LDLRAD3: variants seen among roughly 807,000 people sequenced by gnomAD.
LDLRAD3 encodes low-density lipoprotein receptor class A domain-containing protein 3.
Under a neutral mutation model 29.4 loss-of-function variants are expected in LDLRAD3, and 20 were observed. That is an observed-to-expected ratio of 0.68 (90% CI 0.48 to 0.99). LDLRAD3 has a LOEUF of 0.99. Ranked by LOEUF, LDLRAD3 falls within the 50% of genes least tolerant of loss-of-function variation. The pLI is 0.00. For missense variants in LDLRAD3, 420 were observed against 454.3 expected, an observed-to-expected ratio of 0.92 and a Z score of 0.69; for synonymous variants, 157 against 192.7, an observed-to-expected ratio of 0.81 and a Z score of 1.53.
At chr11:36,062,575 T>C (rs1852717767) in intron 2 of LDLRAD3, among the ~76,000 whole-genome samples, 1 of 152,124 alleles carries the variant, frequency 6.6e-6, no homozygotes, top group African/African-American at 2.4e-5. Context: ...TCATCTTGAA[T>C]TGTAGTTCCC....
chr11:36,115,882 A>G (rs1355784224), intron 4 of LDLRAD3, among the ~76,000 whole-genome samples: 6 of 152,216 alleles, frequency 3.9e-5, no homozygotes, highest in African/African-American at 1.4e-4. Flanking sequence ...TGCTTTGGGT[A>G]TAAATCTCAG....
At chr11:36,100,476 G>A (rs1853430092) in intron 4 of LDLRAD3, among the ~76,000 whole-genome samples, 1 of 152,212 alleles carries the variant, frequency 6.6e-6, no homozygotes, top group Admixed American at 6.5e-5. Flanking sequence ...GTCTTGCTCT[G>A]TCACCCAGGC....
chr11:36,119,285 G>A (rs373690101), intron 4 of LDLRAD3, among the ~76,000 whole-genome samples: 5 of 152,152 alleles, frequency 3.3e-5, no homozygotes, highest in African/African-American at 9.7e-5. Context: ...TTGTGTGCAA[G>A]TTTCTGTGTG....
At chr11:36,058,327 G>GCT (rs1852651279) in intron 2 of LDLRAD3, among the ~76,000 whole-genome samples, 1 of 152,156 alleles carries the variant, frequency 6.6e-6, no homozygotes, top group Admixed American at 6.5e-5. Flanking sequence ...AAAGAGCCAC[G>GCT]TCTTCCTTCA....
intron 2 of LDLRAD3, among the ~76,000 whole-genome samples, chr11:36,068,358 C>A (rs1037148345): frequency 1.3e-5 from 2 of 152,176 alleles, no homozygotes; most frequent in African/African-American, 4.8e-5. Context: ...TTGCTGTATT[C>A]TCTACATGCA....
intron 4 of LDLRAD3, among the ~76,000 whole-genome samples, chr11:36,140,073 A>T (rs1854059603): frequency 6.6e-6 from 1 of 152,244 alleles, no homozygotes; most frequent in African/African-American, 2.4e-5. Context: ...CCATGAAAAG[A>T]ACAGTCAGCA....
intron 1 of LDLRAD3, among the ~76,000 whole-genome samples, chr11:36,030,349 C>T (rs543610309): frequency 6.6e-6 from 1 of 152,126 alleles, no homozygotes; most frequent in East Asian, 1.9e-4. Context: ...AACCTAGAGT[C>T]GAGGAGGTCT....
intron 1 of LDLRAD3, among the ~76,000 whole-genome samples, chr11:35,992,090 G>A (rs190355728): frequency 3.0e-4 from 45 of 152,192 alleles, no homozygotes; most frequent in Middle Eastern, 3.4e-3. Flanking sequence ...AAGTGCCCCC[G>A]TCTCAATCTT....
intron 2 of LDLRAD3, among the ~76,000 whole-genome samples, chr11:36,070,726 A>G (rs929045120): frequency 6.6e-6 from 1 of 152,200 alleles, no homozygotes; most frequent in African/African-American, 2.4e-5. Flanking sequence ...GGAGAGACTC[A>G]GGAATCTGCA....
intron 4 of LDLRAD3, chr11:36,196,455 T>C (rs1855034519): frequency 1.3e-5 from 2 of 152,180 alleles, no homozygotes; most frequent in Non-Finnish European, 2.9e-5. Context: ...TGAGGCCCCA[T>C]CTCATCGGTA....
At chr11:36,227,469 A>G in intron 5 of LDLRAD3, 39 bp downstream of exon 5, 3 of 1,441,832 alleles carry the variant, frequency 2.1e-6, no homozygotes, top group Non-Finnish European at 2.8e-6. Context: ...GGGAGAGGTC[A>G]TCCATTGCGG....
intron 4 of LDLRAD3, among the ~76,000 whole-genome samples, chr11:36,158,793 AT>A (rs1409446565): frequency 1.3e-5 from 2 of 151,766 alleles, no homozygotes; most frequent in East Asian, 3.9e-4. Context: ...ACTGTCTTTT[AT>A]TTTTTTTAAT....
rs557939353 is a variant in LDLRAD3, at chr11:36,140,992, TTCTCTCTCTC to T, written c.454+42566_454+42575del. Reference sequence around the variant, plus strand: ...TTTTAATTCTGGGTGCTGTTGAGCTTTCTCTCTCTCTCTCTCTCTCTCTCTCTCTCTCTCT... The same window carrying T: ...TTTTAATTCTGGGTGCTGTTGAGCTTTCTCTCTCTCTCTCTCTCTCTCTCT... On this transcript the variant is annotated intron_variant, in intron 4 of 5. Transcript: ENST00000315571. Among the ~76,000 whole-genome samples the T allele has an allele frequency of 3.6e-3, 391 of 110,050 alleles. 3 individuals carry two copies. Among genetic ancestry groups the T allele is most frequent in the Middle Eastern group, 0.016 (3 of 192 alleles). The allele number at this position is 110,050 out of a possible 152,430, so 72.2% of individuals were successfully genotyped here. A position where few individuals can be genotyped will look rare whatever the true frequency, so the allele number is the denominator to read the frequency against.
At chr11:36,006,892 G>A (rs1851891996) in intron 1 of LDLRAD3, among the ~76,000 whole-genome samples, 1 of 152,220 alleles carries the variant, frequency 6.6e-6, no homozygotes, top group South Asian at 2.1e-4. Context: ...CCTTCCTGCA[G>A]GGGAAGTCGC....
chr11:36,148,858 A>G (rs1854234815), intron 4 of LDLRAD3, among the ~76,000 whole-genome samples: 1 of 152,188 alleles, frequency 6.6e-6, no homozygotes, highest in African/African-American at 2.4e-5. Context: ...AAGTGTTGGA[A>G]AGGAATTGAA....
intron 4 of LDLRAD3, among the ~76,000 whole-genome samples, chr11:36,127,112 G>A (rs949848632): frequency 6.6e-6 from 1 of 151,780 alleles, no homozygotes; most frequent in Non-Finnish European, 1.5e-5. Flanking sequence ...ACCAACACCT[G>A]TATTCTTGTC....
At chr11:36,029,028 G>A (rs262437) in intron 1 of LDLRAD3, among the ~76,000 whole-genome samples, 90,087 of 151,992 alleles carry the variant, frequency 0.59, 26,861 homozygotes, top group Admixed American at 0.65. Flanking sequence ...GCGGATCACA[G>A]GGTCAGGAGA....
chr11:36,203,243 C>T (rs1012942227), intron 4 of LDLRAD3, among the ~76,000 whole-genome samples: 1 of 152,146 alleles, frequency 6.6e-6, no homozygotes, highest in African/African-American at 2.4e-5. Context: ...GCTGAGATTA[C>T]AGGTGTGAGC....
rs71044560 is a variant in LDLRAD3, at chr11:36,209,353, C to CTTTTT, written c.455-17712_455-17708dup. ...AGATGAAGGATTTGCAGAAACTGTA[C>CTTTTT]TTTTTTTTTTTTTTTTTTTTTTTTG... On this transcript the variant is annotated intron_variant, in intron 4 of 5. Transcript: ENST00000315571. Among the ~76,000 whole-genome samples, 98 of 68,592 alleles carry CTTTTT rather than the reference C, an allele frequency of 1.4e-3. 4 individuals carry two copies. The highest frequency in any genetic ancestry group is 1.6e-3 in the Non-Finnish European group (60 of 36,998). The allele number at this position is 68,592 out of a possible 152,430, so 45.0% of individuals were successfully genotyped here. A position where few individuals can be genotyped will look rare whatever the true frequency, so the allele number is the denominator to read the frequency against.
Sources: allele counts gnomAD v4.1 joint callset (sites outside exome capture counted in the v4.1 genomes callset), GRCh38; gene constraint gnomAD v4.1.1; transcripts MANE v1.5; gene names NCBI Gene and HGNC (gene_info 2026-07-23, HGNC 2026-07-21).